RAPGEF6: variants seen among roughly 807,000 people sequenced by gnomAD.
RAPGEF6 encodes Rap guanine nucleotide exchange factor 6.
RAPGEF6 carries 56 observed loss-of-function variants against 171.4 expected under a neutral mutation model. The ratio of observed to expected loss-of-function variants is 0.33; its 90% confidence interval spans 0.26 to 0.41. The LOEUF (loss-of-function observed/expected upper bound fraction) is 0.41, where lower values mean the gene tolerates loss of function less well. Among genes scored for constraint, RAPGEF6 ranks in the 10% least tolerant of loss-of-function variants. The pLI is 1.00. For synonymous variants in RAPGEF6, 692 were observed against 650.1 expected (o/e 1.06, Z -0.98); for missense variants, 1,674 against 1,921.4 (o/e 0.87, Z 2.41).
intron 6 of RAPGEF6, among the ~76,000 whole-genome samples, chr5:131,530,947 T>C (rs1759328257): frequency 6.6e-6 from 1 of 152,246 alleles, no homozygotes; most frequent in African/African-American, 2.4e-5. Flanking sequence ...TTGGGCCATA[T>C]AGGTGTCATT....
At chr5:131,584,632 T>C (rs952639832) in intron 4 of RAPGEF6, among the ~76,000 whole-genome samples, 7 of 152,214 alleles carry the variant, frequency 4.6e-5, no homozygotes, top group African/African-American at 1.2e-4. Context: ...AGTGCTATTG[T>C]AGAATTTGAG....
At chr5:131,580,288 T>C (rs938964373) in intron 4 of RAPGEF6, among the ~76,000 whole-genome samples, 1 of 152,162 alleles carries the variant, frequency 6.6e-6, no homozygotes, top group African/African-American at 2.4e-5. Context: ...GTTAAGCCCC[T>C]TACTGCCCAG....
intron 15 of RAPGEF6, among the ~76,000 whole-genome samples, chr5:131,487,248 T>C (rs1204417332): frequency 6.6e-6 from 1 of 152,126 alleles, no homozygotes; most frequent in African/African-American, 2.4e-5. Flanking sequence ...CTCTTAAAGG[T>C]GGTGCAGACC....
intron 24 of RAPGEF6, chr5:131,436,444 T>C: frequency 7.5e-7 from 1 of 1,339,344 alleles, no homozygotes; most frequent in Non-Finnish European, 9.9e-7. Context: ...TTACATAATA[T>C]TTCACTATTT....
chr5:131,479,637 C>T lies in RAPGEF6; in HGVS notation c.1957G>A (p.Glu653Lys), dbSNP rs532637654. 27 of 1,614,006 alleles carry T rather than the reference C, an allele frequency of 1.7e-5. 1 individual carries two copies. In the South Asian group the frequency reaches 3.0e-4, roughly 18 times the overall value. The change falls in exon 16 of 28, where the codon GAA (glutamate) becomes AAA (lysine). Residue 653 changes from glutamate to lysine, a missense_variant. Physicochemically the swap from Glu to Lys is moderately conservative, Grantham distance 56 (BLOSUM62 1). Coordinates refer to ENST00000509018, the MANE Select transcript of RAPGEF6 (RefSeq NM_016340.6). ...HSIQHVPGDI[E>K]QTSQEKGSKK... ...CTTCCTTTCTCCTGTGATGTCTGTT[C>T]AATATCTCCTGGCACATGCTGGATA... is the stretch of plus-strand genomic sequence containing the variant.
At chr5:131,521,338 T>C in intron 7 of RAPGEF6, 52 bp downstream of exon 7, 1 of 1,485,312 alleles carries the variant, frequency 6.7e-7, no homozygotes, top group Admixed American at 2.2e-5. Flanking sequence ...TCACAGAATA[T>C]CTGGCAAATA....
intron 20 of RAPGEF6, 57 bp from the exon 21 acceptor site, chr5:131,453,234 C>T: frequency 6.6e-7 from 1 of 1,515,336 alleles, no homozygotes; most frequent in Non-Finnish European, 8.9e-7. Context: ...ATAAAAGTAG[C>T]AAAAGTCAAG....
At chr5:131,606,073 A>G (rs1454602217) in intron 1 of RAPGEF6, among the ~76,000 whole-genome samples, 2 of 151,110 alleles carry the variant, frequency 1.3e-5, no homozygotes, top group Non-Finnish European at 2.9e-5. Context: ...AAGAAAAGAA[A>G]AGCATCAAGC....
At chr5:131,572,114 T>G (rs1206403154) in intron 4 of RAPGEF6, among the ~76,000 whole-genome samples, 1 of 152,144 alleles carries the variant, frequency 6.6e-6, no homozygotes, top group Non-Finnish European at 1.5e-5. Flanking sequence ...ACAGCTTTGT[T>G]GCTCAAACTA....
chr5:131,439,922 A>G, intron 23 of RAPGEF6: 1 of 835,410 alleles, frequency 1.2e-6, no homozygotes, highest in Non-Finnish European at 1.8e-6. Flanking sequence ...TCAGCTGGTC[A>G]GCATGGACCA....
intron 26 of RAPGEF6, 34 bp from the exon 27 acceptor site, chr5:131,429,250 G>A (rs1166713600): frequency 4.9e-6 from 7 of 1,434,856 alleles, no homozygotes; most frequent in East Asian, 4.8e-5. Context: ...AAATGTTAAT[G>A]AAAAAGAAAT....
intron 7 of RAPGEF6, among the ~76,000 whole-genome samples, chr5:131,517,090 T>C (rs1480545965): frequency 6.6e-6 from 1 of 152,108 alleles, no homozygotes; most frequent in African/African-American, 2.4e-5. Context: ...GACCTAAAGA[T>C]AGGAACACCA....
chr5:131,501,775 T>C (rs75342338), intron 11 of RAPGEF6, among the ~76,000 whole-genome samples: 2,159 of 151,986 alleles, frequency 0.014, 39 homozygotes, highest in African/African-American at 0.046. Flanking sequence ...TAGAAGGGAA[T>C]AGACTAGGGA....
At chr5:131,517,229 T>C (rs1202323745) in intron 7 of RAPGEF6, among the ~76,000 whole-genome samples, 2 of 152,144 alleles carry the variant, frequency 1.3e-5, no homozygotes, top group Admixed American at 6.5e-5. Flanking sequence ...CAATATACTA[T>C]GTAAGAAATC....
At chr5:131,509,690 T>C (rs916567498) in intron 8 of RAPGEF6, among the ~76,000 whole-genome samples, 2 of 152,192 alleles carry the variant, frequency 1.3e-5, no homozygotes, top group Non-Finnish European at 1.5e-5. Flanking sequence ...AAATGTCTTA[T>C]AGACATGAAG....
intron 21 of RAPGEF6, among the ~76,000 whole-genome samples, chr5:131,451,841 T>C (rs1382107663): frequency 6.6e-6 from 1 of 152,188 alleles, no homozygotes; most frequent in Non-Finnish European, 1.5e-5. Flanking sequence ...TCATTTTTAA[T>C]GTCCCTGTGA....
At chr5:131,440,755 A>G (rs978831230) in intron 23 of RAPGEF6, among the ~76,000 whole-genome samples, 5 of 151,442 alleles carry the variant, frequency 3.3e-5, no homozygotes, top group East Asian at 3.9e-4. Context: ...AAAAAAAAAA[A>G]AAAAAAGAAA....
At chr5:131,592,243 C>T (rs1309594368) in intron 4 of RAPGEF6, 140 bp downstream of exon 4, 3 of 1,356,526 alleles carry the variant, frequency 2.2e-6, no homozygotes, top group Non-Finnish European at 2.0e-6. Context: ...AAAAGATTAA[C>T]TGATTCCTGC....
intron 4 of RAPGEF6, among the ~76,000 whole-genome samples, chr5:131,579,179 G>A (rs2149989198): frequency 6.6e-6 from 1 of 152,230 alleles, no homozygotes; most frequent in South Asian, 2.1e-4. Context: ...CCTCCCGTCT[G>A]GAGTTGTTCA....
Sources: gnomAD v4.1 joint callset for allele counts (sites outside exome capture counted in the v4.1 genomes callset) on GRCh38, gnomAD v4.1.1 for gene constraint, MANE v1.5 for transcripts, NCBI Gene and HGNC (gene_info 2026-07-23, HGNC 2026-07-21) for gene names.